Variants in PRCC observed in about 807,000 individuals in gnomAD.
PRCC encodes the protein proline-rich protein PRCC.
In PRCC, 10 loss-of-function variants were observed where a neutral mutation model predicts 44.0. That is an observed-to-expected ratio of 0.23 (90% confidence interval 0.14 to 0.39). The LOEUF is 0.39. Among genes scored for constraint, PRCC ranks in the 10% least tolerant of loss-of-function variants. The probability of loss-of-function intolerance (pLI) is 1.00; values close to 1 mark genes in which losing one functional copy is unlikely to be tolerated. For synonymous variants in PRCC, 278 were observed against 259.5 expected (o/e 1.07, Z -0.69); for missense variants, 573 against 624.7 (o/e 0.92, Z 0.88).
Position 156,768,256 on chromosome 1 carries a change from G to A in PRCC, c.468+17G>A. The A allele has an allele frequency of 2.0e-6, 3 of 1,537,714 alleles. No homozygotes were observed. Among genetic ancestry groups the A allele is most frequent in the Non-Finnish European group, 2.6e-6 (3 of 1,146,354 alleles). On this transcript the variant is annotated intron_variant, in intron 1 of 6. Coordinates refer to ENST00000271526, the MANE Select transcript of PRCC (RefSeq NM_005973.5). Reference sequence around the variant, plus strand: ...AAGGGAGATGTGAGTATCCGGGGAAGGCACCCCCAAACTGTCCATCGGGTT... The same window carrying A: ...AAGGGAGATGTGAGTATCCGGGGAAAGCACCCCCAAACTGTCCATCGGGTT...
intron 2 of PRCC, among the ~76,000 whole-genome samples, chr1:156,784,292 G>A (rs968973541): frequency 2.6e-5 from 4 of 152,190 alleles, no homozygotes; most frequent in Non-Finnish European, 5.9e-5. Context: ...CATGCAAGAT[G>A]TTGGCGTGCT....
chr1:156,771,727 C>T (rs934131706), intron 1 of PRCC, among the ~76,000 whole-genome samples: 7 of 151,142 alleles, frequency 4.6e-5, no homozygotes, highest in South Asian at 2.1e-4. Flanking sequence ...GACGTTGTCT[C>T]GCTACATTGC....
At chr1:156,771,683 G>GT (rs11403707) in intron 1 of PRCC, among the ~76,000 whole-genome samples, 104,204 of 135,842 alleles carry the variant, frequency 0.77, 36,573 homozygotes, top group East Asian at 0.87. Flanking sequence ...TAGTTTAAAT[G>GT]TTTTTTTTTT....
rs1571586642 is a variant in PRCC, at chr1:156,786,767, A to G, written c.676A>G (p.Thr226Ala). ...KPSRLASKTKTSSLAPVVGTT... is the reference protein window; with the variant it reads ...KPSRLASKTKASSLAPVVGTT... Reference sequence around the variant, plus strand: ...CTCCAGACTGGCTTCTAAGACCAAGACTTCCTCTCTTGCCCCTGTTGTGGG... The same window carrying G: ...CTCCAGACTGGCTTCTAAGACCAAGGCTTCCTCTCTTGCCCCTGTTGTGGG... Residue 226 changes from threonine (T) to alanine (A), a missense_variant, in exon 3 of 7, where the codon ACT (threonine) becomes GCT (alanine). Physicochemically the swap from Thr to Ala is moderately conservative, Grantham distance 58. Around this residue, in one of 4 missense-constraint regions of PRCC, gnomAD observed 118 missense variants for 166.7 expected, o/e 0.71. Coordinates refer to ENST00000271526, the MANE Select transcript of PRCC (RefSeq NM_005973.5). 1.2e-6 allele frequency: 2 copies of G among 1,613,978 alleles called. No homozygotes were observed. Among genetic ancestry groups the G allele is most frequent in the East Asian group, 4.5e-5 (2 of 44,888 alleles).
intron 1 of PRCC, among the ~76,000 whole-genome samples, chr1:156,769,367 C>A (rs758541257): frequency 2.0e-5 from 3 of 152,116 alleles, no homozygotes; most frequent in Non-Finnish European, 4.4e-5. Flanking sequence ...TTCTCCATTG[C>A]ACTTAACATC....
At position 156,786,329 on chromosome 1, in the gene PRCC, G is replaced by A. The variant is rs147516381; in HGVS notation, c.517-279G>A. Among the ~76,000 whole-genome samples the A allele has an allele frequency of 1.9e-3, 284 of 152,242 alleles. 1 individual carries two copies. The Middle Eastern group carries it at 0.031, about 16-fold the overall frequency. On this transcript the variant is annotated intron_variant, in intron 2 of 6. Coordinates refer to ENST00000271526, the MANE Select transcript of PRCC (RefSeq NM_005973.5). ...TATTTGTTGAAGACACAGAGTTGAGGAAGGCTCGCTCTGTGGAAGAGGGCA... is the reference window on the plus strand; with the variant it reads ...TATTTGTTGAAGACACAGAGTTGAGAAAGGCTCGCTCTGTGGAAGAGGGCA...
At chr1:156,782,657 A>T (rs1390671909) in intron 2 of PRCC, among the ~76,000 whole-genome samples, 6 of 152,214 alleles carry the variant, frequency 3.9e-5, no homozygotes, top group Non-Finnish European at 8.8e-5. Flanking sequence ...AGTCAAAATG[A>T]TGTTAAAATT....
At position 156,767,562 on chromosome 1, in the gene PRCC, G is replaced by T; in HGVS notation, c.-210G>T. The T allele has an allele frequency of 3.4e-6, 2 of 589,856 alleles. No individual in the cohort carries two copies. Among genetic ancestry groups the T allele is most frequent in the Non-Finnish European group, 6.0e-6 (2 of 336,100 alleles). 36.5% of individuals were successfully genotyped at this position (589,856 alleles called of 1,614,324 possible). The stretch of plus-strand genomic sequence containing the variant: ...CCATTAGCTGTGTGTAGTTGCCCGG[G>T]ACTAGGAGCTTAAGTGAAGAGGTAC... On this transcript the variant is annotated 5_prime_UTR_variant, in exon 1 of 7. Coordinates refer to ENST00000271526, the MANE Select transcript of PRCC (RefSeq NM_005973.5).
chr1:156,797,086 T>G, intron 5 of PRCC, 190 bp from the exon 6 acceptor site: 1 of 597,318 alleles, frequency 1.7e-6, no homozygotes, highest in Non-Finnish European at 2.9e-6. Flanking sequence ...TGAGCTGGGT[T>G]TTTTGTATAA....
intron 1 of PRCC, among the ~76,000 whole-genome samples, chr1:156,781,211 C>A (rs1652037424): frequency 6.6e-6 from 1 of 152,156 alleles, no homozygotes; most frequent in Non-Finnish European, 1.5e-5. Context: ...CTGCCTGGGA[C>A]ACTGGTTAGG....
chr1:156,799,680 C>T (rs1375269164), intron 6 of PRCC, among the ~76,000 whole-genome samples: 3 of 152,056 alleles, frequency 2.0e-5, no homozygotes, highest in African/African-American at 7.3e-5. Context: ...TTAACCCCCA[C>T]CCCAAATTCC....
At chr1:156,789,111 A>G (rs1200324146) in intron 3 of PRCC, among the ~76,000 whole-genome samples, 3 of 151,840 alleles carry the variant, frequency 2.0e-5, no homozygotes, top group Non-Finnish European at 4.4e-5. Context: ...CTGGGATTAT[A>G]TGTGCCCGCC....
At chr1:156,787,450 G>GATATATATAT (rs57206380) in intron 3 of PRCC, among the ~76,000 whole-genome samples, 3 of 124,924 alleles carry the variant, frequency 2.4e-5, no homozygotes, top group Admixed American at 7.7e-5. Flanking sequence ...ATTTGTGATT[G>GATATATATAT]ATATATATAT....
At chr1:156,786,004 C>A (rs781022505) in intron 2 of PRCC, among the ~76,000 whole-genome samples, 1 of 151,964 alleles carries the variant, frequency 6.6e-6, no homozygotes. Context: ...TAGAGACGGG[C>A]CTTCAGTATG....
Position 156,782,293 on chromosome 1 carries a change from GGAAGAT to G in PRCC, c.484_489del (p.Asp162_Glu163del). 6.2e-7 allele frequency: 1 copy of G among 1,608,084 alleles called. No individual in the cohort carries two copies. The highest frequency in any genetic ancestry group is 8.5e-7 in the Non-Finnish European group (1 of 1,174,992). On this transcript the variant is annotated inframe_deletion, in exon 2 of 7. Transcript: ENST00000271526. The stretch of plus-strand genomic sequence containing the variant: ...TCTTTTTCTCTTAGTCAGATTCTGA[GGAAGAT>G]GAACCCACAAAGAAGAAAACTATCC...
chr1:156,779,128 A>ATATATTTTTT (rs1651947127), intron 1 of PRCC, among the ~76,000 whole-genome samples: 1 of 35,876 alleles, frequency 2.8e-5, no homozygotes, highest in Non-Finnish European at 4.5e-5. Flanking sequence ...ATATATATAT[A>ATATATTTTTT]TTTTTTTTTT....
Position 156,768,082 on chromosome 1 carries a change from T to G in PRCC, c.311T>G (p.Val104Gly), listed in dbSNP as rs1309655164. The G allele has an allele frequency of 5.0e-6, 8 of 1,584,762 alleles. No homozygotes were observed. Among genetic ancestry groups the G allele is most frequent in the East Asian group, 2.3e-5 (1 of 43,620 alleles). Residue 104 changes from valine (V) to glycine (G), a missense_variant, in exon 1 of 7, where the codon GTT becomes GGT. This residue lies in a region of PRCC where 245 missense variants were observed against 188.5 expected (regional missense o/e 1.30). Transcript: ENST00000271526. ...PGVSPAEAAG[V>G]GEGLGLGLPS... The stretch of plus-strand genomic sequence containing the variant: ...GTGAGCCCGGCTGAAGCGGCGGGAG[T>G]TGGGGAGGGACTGGGATTGGGGTTG...
At chr1:156,798,512 C>CT (rs1652739149) in intron 6 of PRCC, among the ~76,000 whole-genome samples, 1 of 152,166 alleles carries the variant, frequency 6.6e-6, no homozygotes, top group Non-Finnish European at 1.5e-5. Context: ...TTCTCTGCTG[C>CT]TTGGGAGCAC....
intron 3 of PRCC, among the ~76,000 whole-genome samples, chr1:156,789,658 G>A (rs1652408836): frequency 6.6e-6 from 1 of 152,132 alleles, no homozygotes; most frequent in African/African-American, 2.4e-5. Context: ...AATCCTGAGG[G>A]TGGTTTGAGG....
Sources: gnomAD v4.1 joint callset for allele counts (sites outside exome capture counted in the v4.1 genomes callset) on GRCh38, gnomAD v4.1.1 for gene constraint, gnomAD v4.1.1 regional missense constraint, MANE v1.5 for transcripts, NCBI Gene and HGNC (gene_info 2026-07-23, HGNC 2026-07-21) for gene names.